The following MSANTD7 variants were observed in gnomAD, a reference collection of about 807,000 sequenced individuals.
MSANTD7 encodes the protein Myb/SANT DNA binding domain containing 7, also known as zinc finger and SCAN domain containing 29.
the MSANTD7 span, chr10:14,842,240 C>G: frequency 6.5e-7 from 1 of 1,535,640 alleles, no homozygotes; most frequent in Admixed American, 2.0e-5. This position sits in a 1 kb window ranked among gnomAD's most constrained non-coding sequence, Gnocchi z 5.2. Flanking sequence ...TTCAGACTTG[C>G]ACCTTGCTGT....
chr10:14,840,963 A>C, the MSANTD7 span, among the ~76,000 whole-genome samples: 5 of 152,328 alleles, frequency 3.3e-5, no homozygotes, highest in East Asian at 9.6e-4. Flanking sequence ...GTAAGACTGC[A>C]GATCAGGTCT....
the MSANTD7 span, among the ~76,000 whole-genome samples, chr10:14,839,576 A>AC: frequency 2.2e-4 from 33 of 151,938 alleles, no homozygotes; most frequent in East Asian, 9.7e-4. Flanking sequence ...GTGTCCAAAA[A>AC]AAAAAAAAAA....
At chr10:14,842,606 C>G in the MSANTD7 span, 5,521 of 1,536,086 alleles carry the variant, frequency 3.6e-3, 17 homozygotes, top group Middle Eastern at 0.017. This position sits in a 1 kb window ranked among gnomAD's most constrained non-coding sequence, Gnocchi z 5.2. Flanking sequence ...AGTGACTGAC[C>G]CAGACAACTT....
chr10:14,845,991 T>G, the MSANTD7 span: 12 of 933,460 alleles, frequency 1.3e-5, no homozygotes, highest in Admixed American at 6.2e-5. Flanking sequence ...GAAATTTTAA[T>G]TGTAATATTT....
At chr10:14,842,483 A>G in the MSANTD7 span, 1 of 1,536,152 alleles carries the variant, frequency 6.5e-7, no homozygotes, top group Non-Finnish European at 8.7e-7. This position sits in a 1 kb window ranked among gnomAD's most constrained non-coding sequence, Gnocchi z 5.2. Flanking sequence ...CTCCAAGTTT[A>G]AAGTTCTGAA....
the MSANTD7 span, chr10:14,843,694 A>G: frequency 1.3e-6 from 2 of 1,541,600 alleles, no homozygotes; most frequent in Non-Finnish European, 1.7e-6. Context: ...AGAACTCTCA[A>G]AGCGGGAGGA....
chr10:14,842,616 T>C, the MSANTD7 span: 1 of 1,536,068 alleles, frequency 6.5e-7, no homozygotes, highest in Non-Finnish European at 8.7e-7. The surrounding 1 kb of genome is among the most constrained non-coding windows in gnomAD (Gnocchi z 5.2). Context: ...CCAGACAACT[T>C]AATGGAGGAT....
the MSANTD7 span, chr10:14,838,370 C>A: frequency 1.3e-6 from 2 of 1,581,862 alleles, no homozygotes; most frequent in South Asian, 2.3e-5. Flanking sequence ...TGGGGGACCC[C>A]CTCATTCCTG....
the MSANTD7 span, chr10:14,843,705 A>AG: frequency 6.5e-7 from 1 of 1,540,234 alleles, no homozygotes; most frequent in South Asian, 1.2e-5. Context: ...AGCGGGAGGA[A>AG]GAAAAACTGG....
At chr10:14,844,111 C>A in the MSANTD7 span, 1 of 1,375,884 alleles carries the variant, frequency 7.3e-7, no homozygotes, top group African/African-American at 1.5e-5. Context: ...TAATAGAAAA[C>A]GATGGAGCCA....
chr10:14,846,234 G>A, the MSANTD7 span: 1 of 985,172 alleles, frequency 1.0e-6, no homozygotes, highest in African/African-American at 1.7e-5. Context: ...TAGGTAGGTA[G>A]GTAGGTAGGT....
At chr10:14,843,861 G>A in the MSANTD7 span, 1 of 1,536,296 alleles carries the variant, frequency 6.5e-7, no homozygotes, top group Non-Finnish European at 8.7e-7. Context: ...TTGAAAAATT[G>A]CTTCAGAGGT....
the MSANTD7 span, chr10:14,842,603 G>A: frequency 6.5e-7 from 1 of 1,536,146 alleles, no homozygotes; most frequent in Non-Finnish European, 8.7e-7. The surrounding 1 kb of genome is among the most constrained non-coding windows in gnomAD (Gnocchi z 5.2). Flanking sequence ...GATAGTGACT[G>A]ACCCAGACAA....
At chr10:14,843,658 T>C in the MSANTD7 span, 6 of 1,549,010 alleles carry the variant, frequency 3.9e-6, no homozygotes, top group African/African-American at 4.1e-5. Context: ...CGCAGCCGAG[T>C]TGGCAGAAAA....
the MSANTD7 span, chr10:14,846,519 CAG>C: frequency 9.1e-6 from 9 of 985,294 alleles, no homozygotes; most frequent in Non-Finnish European, 1.1e-5. Context: ...TACAGGGAGA[CAG>C]TGTGCAAGAA....
the MSANTD7 span, chr10:14,846,197 A>G: frequency 5.1e-6 from 5 of 985,208 alleles, no homozygotes; most frequent in African/African-American, 1.7e-5. Context: ...GTCTTAGGCT[A>G]TTATATGGAA....
At chr10:14,846,876 T>C in the MSANTD7 span, 11 of 985,446 alleles carry the variant, frequency 1.1e-5, no homozygotes, top group South Asian at 4.7e-5. Context: ...TACACAACCA[T>C]AGGATTAACT....
the MSANTD7 span, chr10:14,842,162 C>T: frequency 6.5e-7 from 1 of 1,534,888 alleles, no homozygotes; most frequent in Non-Finnish European, 8.7e-7. The surrounding 1 kb of genome is among the most constrained non-coding windows in gnomAD (Gnocchi z 5.2). Context: ...GACCTGGCTT[C>T]TCAGCAATTA....
At chr10:14,842,401 T>C in the MSANTD7 span, 1 of 1,536,178 alleles carries the variant, frequency 6.5e-7, no homozygotes, top group Non-Finnish European at 8.7e-7. This position sits in a 1 kb window ranked among gnomAD's most constrained non-coding sequence, Gnocchi z 5.2. Context: ...TGCATCACAA[T>C]GCAGATGTCT....
Sources: allele counts gnomAD v4.1 joint callset (sites outside exome capture counted in the v4.1 genomes callset), GRCh38; gene constraint gnomAD v4.1.1; non-coding constraint Gnocchi (gnomAD v3.1); transcripts MANE v1.5; gene names NCBI Gene and HGNC (gene_info 2026-07-23, HGNC 2026-07-21).